PDE1C: variants seen among roughly 807,000 people sequenced by gnomAD.
PDE1C encodes dual specificity calcium/calmodulin-dependent 3',5'-cyclic nucleotide phosphodiesterase 1C.
PDE1C carries 62 observed loss-of-function variants against 93.1 expected under a neutral mutation model. The observed-to-expected ratio is 0.67, with a 90% CI of 0.54 to 0.82. The LOEUF is 0.82. Ranked by LOEUF, PDE1C falls within the 40% of genes least tolerant of loss-of-function variation. The pLI, the probability that PDE1C is intolerant of heterozygous loss-of-function variation, is 0.00. For synonymous variants in PDE1C, 325 were observed against 310.1 expected (o/e 1.05, Z -0.50); for missense variants, 742 against 884.6 (o/e 0.84, Z 2.04).
At chr7:31,746,388 G>A (rs1366521494), downstream of PDE1C, among the ~76,000 whole-genome samples, 1 of 152,188 alleles carries the variant, frequency 6.6e-6, no homozygotes, top group Non-Finnish European at 1.5e-5. Context: ...GACTGTACAA[G>A]AGCTGCAGGA....
intron 3 of PDE1C, among the ~76,000 whole-genome samples, chr7:32,137,314 A>C (rs1800269552): frequency 6.6e-6 from 1 of 152,212 alleles, no homozygotes; most frequent in South Asian, 2.1e-4. Context: ...TTCAGTAGGA[A>C]AAACCCCAGA....
the PDE1C span, among the ~76,000 whole-genome samples, chr7:31,690,049 G>C: frequency 6.6e-6 from 1 of 152,154 alleles, no homozygotes; most frequent in Non-Finnish European, 1.5e-5. Flanking sequence ...TTGTCCAGGG[G>C]CCTCTGACAT....
intron 2 of PDE1C, among the ~76,000 whole-genome samples, chr7:31,991,839 A>G (rs1165616786): frequency 6.6e-6 from 1 of 152,264 alleles, no homozygotes; most frequent in African/African-American, 2.4e-5. Flanking sequence ...TACTAGTAGC[A>G]TACTTAACAA....
At chr7:32,017,942 T>C (rs979293072) in intron 2 of PDE1C, among the ~76,000 whole-genome samples, 24 of 152,028 alleles carry the variant, frequency 1.6e-4, no homozygotes, top group Admixed American at 2.6e-4. Flanking sequence ...TAGCTGGGTA[T>C]GGTGGTGCAT....
chr7:32,128,973 C>G (rs1445416058), intron 3 of PDE1C, among the ~76,000 whole-genome samples: 1 of 85,590 alleles, frequency 1.2e-5, no homozygotes, highest in African/African-American at 4.4e-5. Context: ...CTAAAAAAAA[C>G]AGAAAATGAG....
chr7:31,836,840 C>T (rs7786026), intron 11 of PDE1C, among the ~76,000 whole-genome samples: 152,230 of 152,232 alleles, frequency 1, 76,114 homozygotes, highest in Non-Finnish European at 1. Context: ...ATCTTAATCC[C>T]ATAGGGTGAT....
At chr7:31,743,917 G>A in the PDE1C span, among the ~76,000 whole-genome samples, 1 of 152,004 alleles carries the variant, frequency 6.6e-6, no homozygotes, top group Non-Finnish European at 1.5e-5. Flanking sequence ...ATATCTCCAG[G>A]CTCAAGTGGG....
chr7:32,385,381 C>A (rs1280847547), intron 1 of PDE1C, among the ~76,000 whole-genome samples: 4 of 152,134 alleles, frequency 2.6e-5, no homozygotes, highest in Admixed American at 6.5e-5. Context: ...GCTAAAGCTG[C>A]AATTTTATTC....
At chr7:31,839,291 A>G (rs999880065) in intron 9 of PDE1C, among the ~76,000 whole-genome samples, 1 of 150,802 alleles carries the variant, frequency 6.6e-6, no homozygotes, top group East Asian at 1.9e-4. Flanking sequence ...ATAGTCACAC[A>G]TTGAAAATAT....
rs752046544 is a variant in PDE1C, at chr7:31,816,034, G to A, written c.1703C>T (p.Thr568Met). ...EGASGKAEKK[T>M]SGETKNQVNG... The stretch of plus-strand genomic sequence containing the variant: ...GACTTGATTCTTAGTTTCTCCAGAC[G>A]TCTTTTTCTCAGCTTTGCCAGATGC... The change falls in exon 15 of 18, where the codon ACG becomes ATG. Residue 568 changes from threonine (T) to methionine (M), a missense_variant. Thr to Met is a moderately conservative substitution (Grantham distance 81). Coordinates refer to ENST00000396191, the MANE Select transcript of PDE1C (RefSeq NM_001191057.4). The A allele has an allele frequency of 5.7e-5, 92 of 1,613,810 alleles. No homozygotes were observed. The highest frequency in any genetic ancestry group is 7.3e-5 in the Non-Finnish European group (86 of 1,179,924).
chr7:31,884,154 T>A (rs1797600137), intron 2 of PDE1C, among the ~76,000 whole-genome samples: 1 of 152,130 alleles, frequency 6.6e-6, no homozygotes, highest in Non-Finnish European at 1.5e-5. Flanking sequence ...TCACTCTGTT[T>A]ATGGAAGAAC....
intron 1 of PDE1C, among the ~76,000 whole-genome samples, chr7:32,297,421 G>A (rs910400420): frequency 5.9e-5 from 9 of 152,126 alleles, no homozygotes; most frequent in African/African-American, 2.2e-4. Flanking sequence ...GTAGGAATCA[G>A]AGTGGCTCCT....
intron 2 of PDE1C, among the ~76,000 whole-genome samples, chr7:31,957,864 A>G (rs928796328): frequency 6.6e-6 from 1 of 152,110 alleles, no homozygotes; most frequent in Non-Finnish European, 1.5e-5. Context: ...GATTTGCTTT[A>G]TATTTTTTAA....
chr7:31,691,797 T>TAAAAAAA, the PDE1C span, among the ~76,000 whole-genome samples: 6 of 86,522 alleles, frequency 6.9e-5, no homozygotes, highest in Non-Finnish European at 1.1e-4. Flanking sequence ...ATGTAATGAT[T>TAAAAAAA]AAAAAAAAAA....
upstream of PDE1C, among the ~76,000 whole-genome samples, chr7:32,301,750 A>C (rs1216708065): frequency 6.6e-6 from 1 of 152,252 alleles, no homozygotes. Flanking sequence ...CGCTCACTCA[A>C]GAAAGCCTGG....
chr7:31,751,586 TA>T lies in PDE1C; in HGVS notation c.*1797del, dbSNP rs1332281866. On this transcript the variant is annotated 3_prime_UTR_variant, in exon 18 of 18. Transcript: ENST00000396191. ...AACAGATAGGAATTACCTGTTGAGTTAACCTAATCCAGGTGGAACAGACACT... is the reference window on the plus strand; with the variant it reads ...AACAGATAGGAATTACCTGTTGAGTTACCTAATCCAGGTGGAACAGACACT... 3 of 152,230 alleles carry T rather than the reference TA, an allele frequency of 2.0e-5. No individual in the cohort carries two copies. Among genetic ancestry groups the T allele is most frequent in the African/African-American group, 7.2e-5 (3 of 41,460 alleles). 9.4% of individuals were successfully genotyped at this position (152,230 alleles called of 1,614,324 possible). A position where few individuals can be genotyped will look rare whatever the true frequency, so the allele number is the denominator to read the frequency against.
intron 3 of PDE1C, among the ~76,000 whole-genome samples, chr7:32,138,855 A>G (rs1405520942): frequency 6.6e-6 from 1 of 152,176 alleles, no homozygotes; most frequent in Admixed American, 6.5e-5. Context: ...ATAAATAGAC[A>G]TTAGTAATCC....
At chr7:31,821,386 G>A (rs1788940623) in intron 14 of PDE1C, among the ~76,000 whole-genome samples, 1 of 152,126 alleles carries the variant, frequency 6.6e-6, no homozygotes, top group African/African-American at 2.4e-5. Flanking sequence ...AGTTTCTGAA[G>A]GTAATTTTAG....
At chr7:32,092,802 G>A (rs1797544338) in intron 3 of PDE1C, among the ~76,000 whole-genome samples, 1 of 152,198 alleles carries the variant, frequency 6.6e-6, no homozygotes. Flanking sequence ...TGTGTGCAAG[G>A]CACTATGTTG....
Sources: allele counts gnomAD v4.1 joint callset (sites outside exome capture counted in the v4.1 genomes callset), GRCh38; gene constraint gnomAD v4.1.1; transcripts MANE v1.5; gene names NCBI Gene and HGNC (gene_info 2026-07-23, HGNC 2026-07-21).